Variants in FSTL5 observed in about 807,000 individuals in gnomAD.
FSTL5 encodes follistatin like 5.
Under a neutral mutation model 89.1 loss-of-function variants are expected in FSTL5, and 62 were observed. The observed-to-expected ratio is 0.70, with a 90% CI of 0.57 to 0.86. FSTL5 has a LOEUF of 0.86. FSTL5 is among the 40% of genes least tolerant of loss of function. The probability of loss-of-function intolerance (pLI) is 0.00; values close to 1 mark genes in which losing one functional copy is unlikely to be tolerated. For missense variants in FSTL5, 1,057 were observed against 1,001.6 expected (o/e 1.06, Z -0.75); for synonymous variants, 383 against 346.2 (o/e 1.11, Z -1.18).
chr4:161,754,407 G>A (rs1740504831), intron 6 of FSTL5, among the ~76,000 whole-genome samples: 1 of 151,964 alleles, frequency 6.6e-6, no homozygotes, highest in South Asian at 2.1e-4. Flanking sequence ...TATGGTTTTG[G>A]GAGCTACAAC....
intron 6 of FSTL5, among the ~76,000 whole-genome samples, chr4:161,695,368 C>T (rs1454814652): frequency 5.9e-5 from 9 of 151,466 alleles, no homozygotes; most frequent in Admixed American, 3.9e-4. Context: ...TCATCCAGGT[C>T]GCTGTGAATG....
At chr4:161,879,855 T>C (rs1233048273) in intron 4 of FSTL5, among the ~76,000 whole-genome samples, 2 of 152,210 alleles carry the variant, frequency 1.3e-5, no homozygotes, top group Non-Finnish European at 2.9e-5. Context: ...GCATATTTTA[T>C]AGTTATCTAT....
At chr4:161,641,851 T>C (rs911410857) in intron 7 of FSTL5, among the ~76,000 whole-genome samples, 3 of 152,052 alleles carry the variant, frequency 2.0e-5, no homozygotes, top group African/African-American at 7.2e-5. Context: ...CACAAGGAAA[T>C]AGTACTGATT....
chr4:162,126,586 A>G (rs905487086), intron 1 of FSTL5, among the ~76,000 whole-genome samples: 4 of 152,140 alleles, frequency 2.6e-5, no homozygotes, highest in Non-Finnish European at 5.9e-5. Context: ...TCTAATGTGT[A>G]TAATCTAATG....
chr4:161,514,590 T>C (rs1560932676), intron 10 of FSTL5, among the ~76,000 whole-genome samples: 1 of 152,150 alleles, frequency 6.6e-6, no homozygotes, highest in Non-Finnish European at 1.5e-5. Flanking sequence ...AAACTGCACT[T>C]GTACTCCCTA....
chr4:162,064,985 C>T (rs984545475), intron 2 of FSTL5, among the ~76,000 whole-genome samples: 1 of 151,780 alleles, frequency 6.6e-6, no homozygotes, highest in Admixed American at 6.6e-5. Context: ...GGAAGAGTGC[C>T]ATGAATACAC....
intron 4 of FSTL5, among the ~76,000 whole-genome samples, chr4:161,844,483 C>T (rs12507659): frequency 0.13 from 19,167 of 152,074 alleles, 1,332 homozygotes; most frequent in South Asian, 0.17. Flanking sequence ...CATATGCCCA[C>T]GTATGTTTAT....
chr4:162,161,207 C>T lies in FSTL5; in HGVS notation c.-17+2408G>A, dbSNP rs570809968. ...TGTTGTGTTACTGAATAATCCTTTA[C>T]ATTTTACATGAATTCATTGTAACTC... On this transcript the variant is annotated intron_variant, in intron 1 of 15. Coordinates refer to ENST00000306100, the MANE Select transcript of FSTL5 (RefSeq NM_020116.5). 2.2e-3 allele frequency among the ~76,000 whole-genome samples: 340 copies of T among 151,954 alleles called. 1 individual carries two copies. The highest frequency in any genetic ancestry group is 7.6e-3 in the African/African-American group (314 of 41,506).
rs1553983464 is a variant in FSTL5 at position 161,929,683 on chromosome 4, G to GTGTGTGTGTA, written c.161-9032_161-9031insTACACACACA. ...CACGTGTGTGTGTGTGTGTGTGTGTGTGTGTGTGTGTGTGTGTGTACATAG... is the reference window on the plus strand; with the variant it reads ...CACGTGTGTGTGTGTGTGTGTGTGTGTGTGTGTGTATGTGTGTGTGTGTGTGTGTACATAG... On this transcript the variant is annotated intron_variant, in intron 3 of 15. Transcript: ENST00000306100. Among the ~76,000 whole-genome samples the GTGTGTGTGTA allele has an allele frequency of 0.016, 1,604 of 98,248 alleles. 78 individuals are homozygous for GTGTGTGTGTA. The East Asian group carries it at 0.21, about 13-fold the overall frequency. The allele number at this position is 98,248 out of a possible 152,430, so 64.5% of individuals were successfully genotyped here.
At chr4:162,087,029 T>C (rs1018392201) in intron 2 of FSTL5, among the ~76,000 whole-genome samples, 1 of 152,072 alleles carries the variant, frequency 6.6e-6, no homozygotes, top group Admixed American at 6.6e-5. Flanking sequence ...AATTTACTGA[T>C]GAGTCAAATT....
intron 2 of FSTL5, among the ~76,000 whole-genome samples, chr4:162,090,656 G>A (rs1366594657): frequency 6.6e-6 from 1 of 151,710 alleles, no homozygotes; most frequent in African/African-American, 2.4e-5. Context: ...TCCCATCTCT[G>A]CTAAAAATAC....
At chr4:161,460,752 T>C (rs906611080) in intron 13 of FSTL5, among the ~76,000 whole-genome samples, 1 of 152,134 alleles carries the variant, frequency 6.6e-6, no homozygotes, top group Non-Finnish European at 1.5e-5. Context: ...TTTATATTAG[T>C]GTCTTTACCC....
In FSTL5 at chr4:161,628,718, C is replaced by T. The variant is rs192709128; in HGVS notation, c.894+27610G>A. Among the ~76,000 whole-genome samples, 207 of 152,180 alleles carry T rather than the reference C, an allele frequency of 1.4e-3. 1 individual carries two copies. Among genetic ancestry groups the T allele is most frequent in the Middle Eastern group, 6.8e-3 (2 of 294 alleles). On this transcript the variant is annotated intron_variant, in intron 7 of 15. Coordinates refer to ENST00000306100, the MANE Select transcript of FSTL5 (RefSeq NM_020116.5). Reference sequence around the variant, plus strand: ...CTCCATTACTAATTGGTAATTTATTCCTTTTAACTTCCTATCAGGTTGGCC... The same window carrying T: ...CTCCATTACTAATTGGTAATTTATTTCTTTTAACTTCCTATCAGGTTGGCC...
intron 8 of FSTL5, among the ~76,000 whole-genome samples, chr4:161,573,425 AAAAAAAG>A (rs1276615877): frequency 1.3e-5 from 2 of 151,218 alleles, no homozygotes; most frequent in South Asian, 2.1e-4. Flanking sequence ...AAAAAAAAAA[AAAAAAAG>A]AGAGAGAGAG....
intron 4 of FSTL5, among the ~76,000 whole-genome samples, chr4:161,903,892 T>C (rs1733444116): frequency 6.6e-6 from 1 of 152,062 alleles, no homozygotes; most frequent in Admixed American, 6.6e-5. Context: ...TTTTCAAGTC[T>C]TCAGTCCTTG....
At chr4:162,053,361 C>CT (rs1280544496) in intron 2 of FSTL5, among the ~76,000 whole-genome samples, 1 of 151,776 alleles carries the variant, frequency 6.6e-6, no homozygotes, top group East Asian at 1.9e-4. Context: ...TTAAAATGGT[C>CT]TTTTTTTAGT....
chr4:161,476,895 A>C (rs1293802463), intron 13 of FSTL5, among the ~76,000 whole-genome samples: 1 of 152,152 alleles, frequency 6.6e-6, no homozygotes, highest in Non-Finnish European at 1.5e-5. Context: ...TGTAAAGGAC[A>C]GCATCATTTT....
chr4:161,601,990 C>T (rs1355159813), intron 7 of FSTL5, among the ~76,000 whole-genome samples: 1 of 151,768 alleles, frequency 6.6e-6, no homozygotes, highest in Non-Finnish European at 1.5e-5. Context: ...TGGAACTAAC[C>T]TCAAATACAG....
chr4:161,793,123 T>A (rs1324881495), intron 4 of FSTL5, among the ~76,000 whole-genome samples: 1 of 152,236 alleles, frequency 6.6e-6, no homozygotes. Context: ...CAGCCTTGCA[T>A]GGAGCCGGCA....
Sources: allele counts gnomAD v4.1 joint callset (sites outside exome capture counted in the v4.1 genomes callset), GRCh38; gene constraint gnomAD v4.1.1; transcripts MANE v1.5; gene names NCBI Gene and HGNC (gene_info 2026-07-23, HGNC 2026-07-21).